Variants in DNMT3A observed in about 807,000 individuals in gnomAD.
DNMT3A encodes the protein DNA (cytosine-5)-methyltransferase 3A.
DNMT3A carries 267 observed loss-of-function variants against 117.6 expected under a neutral mutation model. The observed-to-expected ratio is 2.27, with a 90% CI of 2.05 to 2.51. The LOEUF is 2.51. Ranked by LOEUF, DNMT3A falls within the 30% of genes most tolerant of loss-of-function variation. The pLI, the probability that DNMT3A is intolerant of heterozygous loss-of-function variation, is 0.00. For synonymous variants in DNMT3A, 432 were observed against 474.8 expected, an observed-to-expected ratio of 0.91 and a Z score of 1.17; for missense variants, 1,029 against 1,260.2, an observed-to-expected ratio of 0.82 and a Z score of 2.78.
intron 3 of DNMT3A, among the ~76,000 whole-genome samples, chr2:25,297,894 C>T (rs1377070247): frequency 1.3e-5 from 2 of 152,182 alleles, no homozygotes; most frequent in Non-Finnish European, 2.9e-5. Flanking sequence ...CCATATTTTC[C>T]CAATGAGGAA....
At chr2:25,328,509 C>T (rs531768142) in intron 1 of DNMT3A, 99 of 396,910 alleles carry the variant, frequency 2.5e-4, no homozygotes, top group South Asian at 1.8e-3. Flanking sequence ...ATTGAGTGTT[C>T]CATGCGTATA....
chr2:25,234,858 G>C lies in DNMT3A; in HGVS notation c.2598-438C>G, dbSNP rs1367829064. On this transcript the variant is annotated intron_variant, in intron 22 of 22. Coordinates refer to ENST00000321117, the MANE Select transcript of DNMT3A (RefSeq NM_022552.5). The surrounding 1 kb of genome is among the most constrained non-coding windows in gnomAD (Gnocchi z 4.5). ...CTAGCATCCTCCCCATCAAGAGCAG[G>C]GAAGGCGAAAAAGGAGCCGAACTCC... Among the ~76,000 whole-genome samples, 1 of 152,150 alleles carries C rather than the reference G, an allele frequency of 6.6e-6. No homozygotes were observed. The highest frequency in any genetic ancestry group is 1.5e-5 in the Non-Finnish European group (1 of 68,016).
At chr2:25,331,451 G>A (rs894717903) in intron 1 of DNMT3A, among the ~76,000 whole-genome samples, 8 of 152,046 alleles carry the variant, frequency 5.3e-5, no homozygotes, top group African/African-American at 1.2e-4. Context: ...ATCTCTCTCC[G>A]CAGACCTGCC....
intron 1 of DNMT3A, among the ~76,000 whole-genome samples, chr2:25,316,733 C>T (rs1040994690): frequency 6.6e-5 from 10 of 152,222 alleles, no homozygotes; most frequent in Non-Finnish European, 8.8e-5. Flanking sequence ...TGGCTGCTTC[C>T]GATACCAAAG....
At chr2:25,243,425 G>T (rs1674313930) in intron 16 of DNMT3A, among the ~76,000 whole-genome samples, 1 of 152,156 alleles carries the variant, frequency 6.6e-6, no homozygotes, top group African/African-American at 2.4e-5. Flanking sequence ...ATCTATGGAT[G>T]TATGGTTATA....
At position 25,293,248 on chromosome 2, in the gene DNMT3A, G is replaced by A. The variant is rs1201890567; in HGVS notation, c.177+6891C>T. 6.6e-6 allele frequency among the ~76,000 whole-genome samples: 1 copy of A among 151,970 alleles called. No homozygotes were observed. Among genetic ancestry groups the A allele is most frequent in the Admixed American group, 6.6e-5 (1 of 15,262 alleles). ...GCTTGGCCAATTCTGCCCCGCCACT[G>A]CCACCCCCCACAGGCCCTGGGACTT... On this transcript the variant is annotated intron_variant, in intron 3 of 22. Transcript: ENST00000321117. The surrounding 1 kb of genome is among the most constrained non-coding windows in gnomAD (Gnocchi z 4.7).
chr2:25,244,419 C>T lies in DNMT3A; in HGVS notation c.1668-81G>A, dbSNP rs906154242. 5 of 1,568,314 alleles carry T rather than the reference C, an allele frequency of 3.2e-6. No individual in the cohort carries two copies. In the African/African-American group the frequency reaches 4.1e-5, roughly 13 times the overall value. ...AGGTGTGCTACCTGGAATGGAAAGACCGGGTCTGGAGCATGGCTAGGGGGT... is the reference window on the plus strand; with the variant it reads ...AGGTGTGCTACCTGGAATGGAAAGATCGGGTCTGGAGCATGGCTAGGGGGT... On this transcript the variant is annotated intron_variant, in intron 14 of 22. Coordinates refer to ENST00000321117, the MANE Select transcript of DNMT3A (RefSeq NM_022552.5).
intron 19 of DNMT3A, among the ~76,000 whole-genome samples, chr2:25,239,825 C>T (rs891390590): frequency 3.3e-5 from 5 of 152,220 alleles, no homozygotes; most frequent in Admixed American, 6.5e-5. Flanking sequence ...CCTCTGCACG[C>T]GGCTCAGACT....
Position 25,232,164 on chromosome 2 carries a change from T to G in DNMT3A, c.*2115A>C, listed in dbSNP as rs938640252. 6.6e-6 allele frequency: 1 copy of G among 152,124 alleles called. No individual in the cohort carries two copies. Among genetic ancestry groups the G allele is most frequent in the African/African-American group, 2.4e-5 (1 of 41,416 alleles). 9.4% of individuals were successfully genotyped at this position (152,124 alleles called of 1,614,324 possible). A position where few individuals can be genotyped will look rare whatever the true frequency, so the allele number is the denominator to read the frequency against. Reference sequence around the variant, plus strand: ...GCGCCTATCACTGTAGGCCCCATCTTTCTAGGGACGTGGACTTGGGGCCAT... The same window carrying G: ...GCGCCTATCACTGTAGGCCCCATCTGTCTAGGGACGTGGACTTGGGGCCAT... On this transcript the variant is annotated 3_prime_UTR_variant, in exon 23 of 23. Coordinates refer to ENST00000321117, the MANE Select transcript of DNMT3A (RefSeq NM_022552.5). This position sits in a 1 kb window ranked among gnomAD's most constrained non-coding sequence, Gnocchi z 4.1.
At position 25,297,290 on chromosome 2, in the gene DNMT3A, C is replaced by T. The variant is rs192536848; in HGVS notation, c.177+2849G>A. ...CAGCTTCACCTTTACCATGCTCCTC[C>T]TCACCCTGGGCCTCTCCTGAGAGGC... On this transcript the variant is annotated intron_variant, in intron 3 of 22. Transcript: ENST00000321117. Among the ~76,000 whole-genome samples, 483 of 152,238 alleles carry T rather than the reference C, an allele frequency of 3.2e-3. 7 individuals are homozygous for T. Among genetic ancestry groups the T allele is most frequent in the Admixed American group, 0.028 (434 of 15,302 alleles).
intron 1 of DNMT3A, among the ~76,000 whole-genome samples, chr2:25,341,085 C>T (rs1176876434): frequency 6.9e-6 from 1 of 145,284 alleles, no homozygotes; most frequent in Non-Finnish European, 1.5e-5. Flanking sequence ...CCCCGCACCC[C>T]CAGCCACAGG....
At chr2:25,336,809 C>G (rs1421556227) in intron 1 of DNMT3A, among the ~76,000 whole-genome samples, 2 of 152,144 alleles carry the variant, frequency 1.3e-5, no homozygotes, top group African/African-American at 2.4e-5. Context: ...ACTACAGCCA[C>G]CCACAATGAT....
chr2:25,307,156 C>A (rs1308886406), intron 2 of DNMT3A, among the ~76,000 whole-genome samples: 1 of 152,216 alleles, frequency 6.6e-6, no homozygotes, highest in Admixed American at 6.5e-5. Context: ...ACATGCCCTT[C>A]CATGCAGCAC....
At position 25,232,882 on chromosome 2, in the gene DNMT3A, C is replaced by A. The variant is rs1484920277; in HGVS notation, c.*1397G>T. 4.4e-6 allele frequency: 1 copy of A among 228,696 alleles called. No homozygotes were observed. The highest frequency in any genetic ancestry group is 2.2e-5 in the African/African-American group (1 of 45,044). The allele number at this position is 228,696 out of a possible 1,614,324, so 14.2% of individuals were successfully genotyped here. A position where few individuals can be genotyped will look rare whatever the true frequency, so the allele number is the denominator to read the frequency against. ...TGGAGATGACCAAAAACATCACATT[C>A]CAGGGGCCGGGAGCCGCCTTGTGCA... is the stretch of plus-strand genomic sequence containing the variant. On this transcript the variant is annotated 3_prime_UTR_variant, in exon 23 of 23. Coordinates refer to ENST00000321117, the MANE Select transcript of DNMT3A (RefSeq NM_022552.5). This position sits in a 1 kb window ranked among gnomAD's most constrained non-coding sequence, Gnocchi z 4.1.
At position 25,294,285 on chromosome 2, in the gene DNMT3A, T is replaced by C. The variant is rs1487164548; in HGVS notation, c.177+5854A>G. 2.0e-5 allele frequency among the ~76,000 whole-genome samples: 3 copies of C among 152,112 alleles called. No individual in the cohort carries two copies. The highest frequency in any genetic ancestry group is 1.3e-4 in the Admixed American group (2 of 15,268). ...CCATGCAGCACTCCAGTAGCGGGCG[T>C]TGATTTCACCGCTCAGGTCGGGGAG... On this transcript the variant is annotated intron_variant, in intron 3 of 22. Coordinates refer to ENST00000321117, the MANE Select transcript of DNMT3A (RefSeq NM_022552.5). This position sits in a 1 kb window ranked among gnomAD's most constrained non-coding sequence, Gnocchi z 4.7.
chr2:25,244,367 ACT>A, intron 14 of DNMT3A, 29 bp from the exon 15 acceptor site: 1 of 1,582,860 alleles, frequency 6.3e-7, no homozygotes, highest in South Asian at 1.1e-5. Flanking sequence ...AGCAGAGGAG[ACT>A]CTCAGCCCTG....
rs542111116 is a variant in DNMT3A at position 25,236,727 on chromosome 2, G to A, written c.2478+209C>T. 5.9e-4 allele frequency among the ~76,000 whole-genome samples: 90 copies of A among 152,346 alleles called. 1 individual carries two copies. The highest frequency in any genetic ancestry group is 2.1e-3 in the African/African-American group (88 of 41,596). ...CCTCAGTGTCTACCGGGGGTGATGG[G>A]CGACACTCACCAGGGAGGAAGGGCT... On this transcript the variant is annotated intron_variant, in intron 21 of 22. Coordinates refer to ENST00000321117, the MANE Select transcript of DNMT3A (RefSeq NM_022552.5). This position sits in a 1 kb window ranked among gnomAD's most constrained non-coding sequence, Gnocchi z 4.5.
At chr2:25,342,151 C>T (rs1042646876), upstream of DNMT3A, among the ~76,000 whole-genome samples, 1 of 144,196 alleles carries the variant, frequency 6.9e-6, no homozygotes, top group African/African-American at 2.5e-5. The surrounding 1 kb of genome is among the most constrained non-coding windows in gnomAD (Gnocchi z 5.9). Flanking sequence ...GGAGCCGGCC[C>T]GGGAGGCAGC....
rs1052001243 is a variant in DNMT3A at position 25,313,816 on chromosome 2, G to C, written c.72+97C>G. On this transcript the variant is annotated intron_variant, in intron 2 of 22. Transcript: ENST00000321117. ...CCCTGTCGTGAGCACTGAGTGATGC[G>C]GTCATGCACTCAGTATGAGGAGCCG... The C allele has an allele frequency of 6.0e-6, 9 of 1,498,378 alleles. No homozygotes were observed. The African/African-American group carries it at 1.1e-4, about 19-fold the overall frequency. The allele number at this position is 1,498,378 out of a possible 1,614,324, so 92.8% of individuals were successfully genotyped here.
Sources: gnomAD v4.1 joint callset for allele counts (sites outside exome capture counted in the v4.1 genomes callset) on GRCh38, gnomAD v4.1.1 for gene constraint, Gnocchi (gnomAD v3.1) non-coding constraint, MANE v1.5 for transcripts, NCBI Gene and HGNC (gene_info 2026-07-23, HGNC 2026-07-21) for gene names.